LSAMP: variants seen among roughly 807,000 people sequenced by gnomAD.
LSAMP encodes limbic system-associated membrane protein.
Under a neutral mutation model 38.6 loss-of-function variants are expected in LSAMP, and 7 were observed. That is an observed-to-expected ratio of 0.18 (90% CI 0.10 to 0.34). The LOEUF (loss-of-function observed/expected upper bound fraction) is 0.34. Among genes scored for constraint, LSAMP ranks in the 10% least tolerant of loss-of-function variants. The probability of loss-of-function intolerance (pLI) is 1.00; values close to 1 mark genes in which losing one functional copy is unlikely to be tolerated. For missense variants in LSAMP, 313 were observed against 420.0 expected, an observed-to-expected ratio of 0.75 and a Z score of 2.23; for synonymous variants, 154 against 166.8, an observed-to-expected ratio of 0.92 and a Z score of 0.59.
In LSAMP at chr3:116,134,460, CTG is replaced by C. The variant is rs577792424; in HGVS notation, c.156-47906_156-47905del. 2.8e-3 allele frequency among the ~76,000 whole-genome samples: 423 copies of C among 152,296 alleles called. 1 individual carries two copies. Among genetic ancestry groups the C allele is most frequent in the Non-Finnish European group, 3.6e-3 (243 of 68,024 alleles). ...CAGTGTGTTTAAAATAAAATCCAAACTGTCATAATTTTCAATGTCCTTACATG... is the reference window on the plus strand; with the variant it reads ...CAGTGTGTTTAAAATAAAATCCAAACTCATAATTTTCAATGTCCTTACATG... On this transcript the variant is annotated intron_variant, in intron 1 of 6. Coordinates refer to ENST00000490035, the MANE Select transcript of LSAMP (RefSeq NM_002338.5).
At chr3:116,023,118 C>T (rs1049860494) in intron 2 of LSAMP, among the ~76,000 whole-genome samples, 8 of 151,628 alleles carry the variant, frequency 5.3e-5, no homozygotes, top group East Asian at 1.9e-4. Context: ...TTTATATAAG[C>T]GTGATGTATA....
At chr3:116,412,460 C>T (rs1465328766) in intron 1 of LSAMP, among the ~76,000 whole-genome samples, 1 of 151,760 alleles carries the variant, frequency 6.6e-6, no homozygotes, top group Non-Finnish European at 1.5e-5. Context: ...AACTCTCTTC[C>T]CCCTCTATAA....
At chr3:116,388,039 G>A (rs1429486941) in intron 1 of LSAMP, among the ~76,000 whole-genome samples, 1 of 152,112 alleles carries the variant, frequency 6.6e-6, no homozygotes, top group Non-Finnish European at 1.5e-5. Flanking sequence ...GGGAGGCGGA[G>A]CTTGTGTAAA....
chr3:116,207,692 G>T (rs1313404472), intron 1 of LSAMP, among the ~76,000 whole-genome samples: 3 of 151,340 alleles, frequency 2.0e-5, no homozygotes, highest in Non-Finnish European at 3.0e-5. Context: ...ATGAAATTCT[G>T]GGTTGAAAAT....
intron 1 of LSAMP, among the ~76,000 whole-genome samples, chr3:116,439,570 T>C (rs2049404117): frequency 6.6e-6 from 1 of 152,198 alleles, no homozygotes; most frequent in Non-Finnish European, 1.5e-5. Flanking sequence ...AAGAATTCTC[T>C]GAAGTCTAAA....
intron 2 of LSAMP, among the ~76,000 whole-genome samples, chr3:116,021,572 CCTATCATAGAAAG>C (rs1380752819): frequency 1.3e-5 from 2 of 152,086 alleles, no homozygotes; most frequent in African/African-American, 4.8e-5. Flanking sequence ...CAATCCAAAA[CCTATCATAGAAAG>C]CTATATAGTA....
At chr3:115,881,268 C>A (rs1346231185) in intron 3 of LSAMP, among the ~76,000 whole-genome samples, 1 of 152,064 alleles carries the variant, frequency 6.6e-6, no homozygotes, top group Non-Finnish European at 1.5e-5. Context: ...TCTTTGCCAG[C>A]CTGGACACTC....
Position 115,845,182 on chromosome 3 carries a change from C to T in LSAMP, c.650-2604G>A, listed in dbSNP as rs76620757. Among the ~76,000 whole-genome samples the T allele has an allele frequency of 2.2e-3, 330 of 152,232 alleles. 4 individuals are homozygous for T. Among genetic ancestry groups the T allele is most frequent in the African/African-American group, 7.1e-3 (294 of 41,546 alleles). On this transcript the variant is annotated intron_variant, in intron 4 of 6. Coordinates refer to ENST00000490035, the MANE Select transcript of LSAMP (RefSeq NM_002338.5). ...AAGATTCATAAGTAAAGAAGTAAGA[C>T]GACCAGCAGTAGAATACTCAATAAA... is the stretch of plus-strand genomic sequence containing the variant.
rs1255214730 is a variant in LSAMP, at chr3:116,019,552, A to G, written c.477T>C (p.Pro159=). ...GGTGTCTCCAGGTGATAACAGGTTCAGGACGGCCATTGGCCATGCAGACCA... is the reference window on the plus strand; with the variant it reads ...GGTGTCTCCAGGTGATAACAGGTTCGGGACGGCCATTGGCCATGCAGACCA... ...VTLVCMANGR[P]EPVITWRHLT... Residue 159 remains proline, a synonymous_variant, in exon 3 of 7, where the codon CCT becomes CCC. Transcript: ENST00000490035. 6.2e-7 allele frequency: 1 copy of G among 1,612,834 alleles called. No homozygotes were observed. The highest frequency in any genetic ancestry group is 1.7e-5 in the Admixed American group (1 of 59,992).
intron 2 of LSAMP, among the ~76,000 whole-genome samples, chr3:116,057,462 T>C (rs1471753318): frequency 4.6e-5 from 7 of 152,182 alleles, no homozygotes; most frequent in African/African-American, 1.7e-4. Flanking sequence ...GTCATCAAAC[T>C]AGTCAATCAG....
intron 1 of LSAMP, among the ~76,000 whole-genome samples, chr3:116,317,516 T>C (rs1466968081): frequency 2.3e-4 from 35 of 152,012 alleles, no homozygotes; most frequent in African/African-American, 7.9e-4. Context: ...CCACCACGTC[T>C]GGCTAATTTT....
chr3:116,122,536 T>G (rs746917221), intron 1 of LSAMP, among the ~76,000 whole-genome samples: 4 of 152,176 alleles, frequency 2.6e-5, no homozygotes, highest in Non-Finnish European at 5.9e-5. Context: ...TTGTTAGTAC[T>G]TTTTAATATG....
At chr3:115,977,955 GTCTT>G (rs1253582555) in intron 3 of LSAMP, among the ~76,000 whole-genome samples, 1 of 151,592 alleles carries the variant, frequency 6.6e-6, no homozygotes, top group Non-Finnish European at 1.5e-5. Context: ...AAACCCCATA[GTCTT>G]TCTTTCTTCC....
Position 115,943,091 on chromosome 3 carries a change from A to G in LSAMP, c.514+76424T>C, listed in dbSNP as rs145572568. Among the ~76,000 whole-genome samples the G allele has an allele frequency of 1.4e-4, 21 of 152,296 alleles. No individual in the cohort carries two copies. The East Asian group carries it at 3.3e-3, about 24-fold the overall frequency. On this transcript the variant is annotated intron_variant, in intron 3 of 6. Transcript: ENST00000490035. ...AGGAAATAGGACTTAAAAGATGAGC[A>G]TTTATGAGGGGGGCACATTTCAGTA...
intron 1 of LSAMP, among the ~76,000 whole-genome samples, chr3:116,233,286 G>A (rs572966142): frequency 2.8e-4 from 42 of 151,814 alleles, no homozygotes; most frequent in South Asian, 1.0e-3. Context: ...GGTGGTTGGC[G>A]CCTGTAGTCC....
At chr3:115,898,683 G>A (rs189376829) in intron 3 of LSAMP, among the ~76,000 whole-genome samples, 3 of 151,424 alleles carry the variant, frequency 2.0e-5, no homozygotes, top group Admixed American at 1.3e-4. Flanking sequence ...GACTCACCTA[G>A]TACCCAGCCA....
At chr3:116,202,501 G>A (rs2046001251) in intron 1 of LSAMP, among the ~76,000 whole-genome samples, 1 of 151,818 alleles carries the variant, frequency 6.6e-6, no homozygotes, top group Admixed American at 6.6e-5. Context: ...CTGGTGTGCA[G>A]TGGTGCGATC....
chr3:116,270,016 A>C (rs1422544757), intron 1 of LSAMP, among the ~76,000 whole-genome samples: 1 of 152,128 alleles, frequency 6.6e-6, no homozygotes, highest in African/African-American at 2.4e-5. Flanking sequence ...TAACATGACA[A>C]ATTTTTCTAA....
rs114396919 is a variant in LSAMP at position 116,239,653 on chromosome 3, T to C, written c.156-153097A>G. Reference sequence around the variant, plus strand: ...TCAGGAAGGACCAAACAGAACAACATTGGGTCTTTTAAAAATAGTGAGCTC... The same window carrying C: ...TCAGGAAGGACCAAACAGAACAACACTGGGTCTTTTAAAAATAGTGAGCTC... On this transcript the variant is annotated intron_variant, in intron 1 of 6. Transcript: ENST00000490035. 7.7e-3 allele frequency among the ~76,000 whole-genome samples: 1,177 copies of C among 152,134 alleles called. 15 individuals are homozygous for C. Among genetic ancestry groups the C allele is most frequent in the African/African-American group, 0.026 (1,096 of 41,522 alleles).
Sources: allele counts gnomAD v4.1 joint callset (sites outside exome capture counted in the v4.1 genomes callset), GRCh38; gene constraint gnomAD v4.1.1; transcripts MANE v1.5; gene names NCBI Gene and HGNC (gene_info 2026-07-23, HGNC 2026-07-21).